KLRG1: variants seen among roughly 807,000 people sequenced by gnomAD.
The protein encoded by KLRG1 is killer cell lectin like receptor G1.
In KLRG1, 16 loss-of-function variants were observed where a neutral mutation model predicts 21.8. The observed-to-expected ratio is 0.73, with a 90% CI of 0.50 to 1.11. KLRG1 has a LOEUF of 1.11. KLRG1 is among the 50% of genes most tolerant of loss of function. The pLI is 0.00. For missense variants in KLRG1, 173 were observed against 218.3 expected, an observed-to-expected ratio of 0.79 and a Z score of 1.31; for synonymous variants, 69 against 75.9, an observed-to-expected ratio of 0.91 and a Z score of 0.47.
chr12:8,974,713 A>C (rs969492334), intron 1 of KLRG1, among the ~76,000 whole-genome samples: 12 of 152,102 alleles, frequency 7.9e-5, no homozygotes, highest in African/African-American at 2.9e-4. Flanking sequence ...TCCAGGGATA[A>C]ATTCCACTTG....
intron 1 of KLRG1, chr12:8,990,431 C>G (rs1357580354): frequency 6.6e-6 from 1 of 151,932 alleles, no homozygotes; most frequent in Non-Finnish European, 1.5e-5. Context: ...GGGTAGTTCC[C>G]TAAGCTTTCT....
At chr12:9,067,051 G>C in the KLRG1 span, 12 of 152,346 alleles carry the variant, frequency 7.9e-5, no homozygotes, top group East Asian at 2.3e-3. Context: ...ACATCAATCA[G>C]ATGTTGTGAG....
chr12:9,086,109 C>T, the KLRG1 span, among the ~76,000 whole-genome samples: 3 of 152,090 alleles, frequency 2.0e-5, no homozygotes, highest in Non-Finnish European at 4.4e-5. Flanking sequence ...CTGCCAAAAG[C>T]TGGAAGAGGA....
chr12:9,071,047 C>T, the KLRG1 span, among the ~76,000 whole-genome samples: 121 of 151,966 alleles, frequency 8.0e-4, no homozygotes, highest in African/African-American at 2.7e-3. Flanking sequence ...CTTGAACTCC[C>T]GACCTAAGGT....
intron 1 of KLRG1, among the ~76,000 whole-genome samples, chr12:8,983,262 T>G (rs1946785520): frequency 6.6e-6 from 1 of 152,130 alleles, no homozygotes; most frequent in Admixed American, 6.6e-5. Flanking sequence ...CTTTTAGCAT[T>G]TCTTGTAGTG....
the KLRG1 span, among the ~76,000 whole-genome samples, chr12:9,046,333 A>C: frequency 2.6e-4 from 40 of 152,346 alleles, no homozygotes; most frequent in East Asian, 7.5e-3. Flanking sequence ...AACAAAAGGA[A>C]TACTTGAAGT....
At chr12:9,208,328 C>A in the KLRG1 span, 1 of 1,613,308 alleles carries the variant, frequency 6.2e-7, no homozygotes, top group South Asian at 1.1e-5. Flanking sequence ...ATGAAGAAGT[C>A]TGTCTTTCCG....
At chr12:8,965,683 A>C (rs1211247571) in intron 1 of KLRG1, among the ~76,000 whole-genome samples, 1 of 152,252 alleles carries the variant, frequency 6.6e-6, no homozygotes, top group South Asian at 2.1e-4. Context: ...CAATGAAATA[A>C]AAGAGGACAC....
the KLRG1 span, among the ~76,000 whole-genome samples, chr12:9,145,746 C>T: frequency 6.6e-6 from 1 of 152,148 alleles, no homozygotes; most frequent in Admixed American, 6.5e-5. Flanking sequence ...GATGAACTCC[C>T]TCAGCTTTCG....
the KLRG1 span, chr12:9,028,994 G>A: frequency 1.7e-6 from 1 of 605,168 alleles, no homozygotes; most frequent in South Asian, 1.5e-5. Flanking sequence ...GCTCACAATG[G>A]CTCTTCAGGC....
the KLRG1 span, among the ~76,000 whole-genome samples, chr12:9,051,706 T>C: frequency 2.0e-5 from 3 of 152,214 alleles, no homozygotes; most frequent in Non-Finnish European, 4.4e-5. Context: ...AAAACTTCTG[T>C]TAACACGCTT....
the KLRG1 span, chr12:9,158,549 G>A: frequency 8.1e-6 from 13 of 1,614,082 alleles, no homozygotes; most frequent in South Asian, 2.2e-5. Context: ...GAGCCTGGGC[G>A]AAAGTCTTCA....
chr12:9,199,644 G>T, the KLRG1 span, among the ~76,000 whole-genome samples: 3 of 152,072 alleles, frequency 2.0e-5, no homozygotes, highest in African/African-American at 7.2e-5. Context: ...GATCTTCAGC[G>T]AAATGTCATT....
At chr12:9,101,515 C>CT in the KLRG1 span, 2 of 1,613,844 alleles carry the variant, frequency 1.2e-6, no homozygotes, top group African/African-American at 2.7e-5. Context: ...TGTGCCTGGA[C>CT]TGTCTGAGTA....
At chr12:9,114,598 A>G in the KLRG1 span, among the ~76,000 whole-genome samples, 1 of 151,994 alleles carries the variant, frequency 6.6e-6, no homozygotes. Flanking sequence ...GCCAATTACC[A>G]TACAGAAATT....
At chr12:9,077,564 T>A in the KLRG1 span, 2 of 1,480,114 alleles carry the variant, frequency 1.4e-6, no homozygotes, top group South Asian at 2.5e-5. Flanking sequence ...TTTTGTTCTA[T>A]CCCCTCTTTT....
the KLRG1 span, among the ~76,000 whole-genome samples, chr12:9,158,752 C>CTTTTTT: frequency 7.4e-3 from 719 of 97,464 alleles, 2 homozygotes; most frequent in Middle Eastern, 0.015. Context: ...TTTTTCTTTT[C>CTTTTTT]TTTTCTTTTT....
At chr12:8,971,280 AATTT>A (rs1946562484) in intron 1 of KLRG1, 3 of 152,088 alleles carry the variant, frequency 2.0e-5, no homozygotes, top group African/African-American at 7.2e-5. Flanking sequence ...GCTATTCAAA[AATTT>A]ATTTCTTTTT....
At chr12:9,160,781 G>A in the KLRG1 span, among the ~76,000 whole-genome samples, 27,510 of 151,954 alleles carry the variant, frequency 0.18, 2,822 homozygotes, top group East Asian at 0.47. Flanking sequence ...CGGGCGTGGT[G>A]GCGGGCGCCT....
Sources: allele counts gnomAD v4.1 joint callset (sites outside exome capture counted in the v4.1 genomes callset), GRCh38; gene constraint gnomAD v4.1.1; transcripts MANE v1.5; gene names NCBI Gene and HGNC (gene_info 2026-07-23, HGNC 2026-07-21).